The following IFT57 variants were observed in gnomAD, a reference collection of about 807,000 sequenced individuals.
IFT57 encodes the protein intraflagellar transport 57, also known as intraflagellar transport protein 57 homolog.
In IFT57, 59 loss-of-function variants were observed where a neutral mutation model predicts 56.8. The observed-to-expected ratio is 1.04, with a 90% CI of 0.84 to 1.29. The LOEUF is 1.29. Ranked by LOEUF, IFT57 falls within the 50% of genes most tolerant of loss-of-function variation. IFT57 has a pLI of 0.00. For missense variants in IFT57, 470 were observed against 522.1 expected, an observed-to-expected ratio of 0.90 and a Z score of 0.97; for synonymous variants, 209 against 186.1, an observed-to-expected ratio of 1.12 and a Z score of -1.00.
In IFT57 at chr3:108,177,082, A is replaced by T. The variant is rs1303466123; in HGVS notation, c.778-9218T>A. Among the ~76,000 whole-genome samples the T allele has an allele frequency of 2.0e-5, 3 of 151,798 alleles. No individual in the cohort carries two copies. In the East Asian group the frequency reaches 5.8e-4, roughly 29 times the overall value. On this transcript the variant is annotated intron_variant, in intron 6 of 10. Coordinates refer to ENST00000264538, the MANE Select transcript of IFT57 (RefSeq NM_018010.4). ...TCCTTGATAAAATGTAGTAAAGTAT[A>T]CCTAAAAATTTTAAGTGGATAATGG... is the stretch of plus-strand genomic sequence containing the variant.
rs563625619 is a variant in IFT57, at chr3:108,190,845, T to C, written c.777+676A>G. Among the ~76,000 whole-genome samples, 4 of 152,316 alleles carry C rather than the reference T, an allele frequency of 2.6e-5. No homozygotes were observed. In the South Asian group the frequency reaches 8.3e-4, roughly 32 times the overall value. ...TCTCGCTCTGTCATCCAGGCTGGAG[T>C]GCAGTGGTGCAGTCTTGGCTCACTG... On this transcript the variant is annotated intron_variant, in intron 6 of 10. Transcript: ENST00000264538.
At chr3:108,172,123 C>A (rs866409376) in intron 6 of IFT57, among the ~76,000 whole-genome samples, 1 of 151,824 alleles carries the variant, frequency 6.6e-6, no homozygotes, top group Non-Finnish European at 1.5e-5. Flanking sequence ...GGTATAACTA[C>A]GATAGTGTAC....
intron 1 of IFT57, among the ~76,000 whole-genome samples, chr3:108,220,184 G>T (rs2080397472): frequency 6.6e-6 from 1 of 152,206 alleles, no homozygotes; most frequent in Non-Finnish European, 1.5e-5. Flanking sequence ...GTGTAGTCAG[G>T]ATTAAGAACC....
rs904791739 is a variant in IFT57 at position 108,162,379 on chromosome 3, C to G, written c.*98G>C. 5 of 927,248 alleles carry G rather than the reference C, an allele frequency of 5.4e-6. No individual in the cohort carries two copies. Among genetic ancestry groups the G allele is most frequent in the South Asian group, 1.9e-5 (1 of 51,682 alleles). The allele number at this position is 927,248 out of a possible 1,614,324, so 57.4% of individuals were successfully genotyped here. ...GTGAGTATGTATATGTAAAAAAATACCCATTGAACATAAAATTATGTTTTG... is the reference window on the plus strand; with the variant it reads ...GTGAGTATGTATATGTAAAAAAATAGCCATTGAACATAAAATTATGTTTTG... On this transcript the variant is annotated 3_prime_UTR_variant, in exon 11 of 11. Transcript: ENST00000264538.
Position 108,208,650 on chromosome 3 carries a change from T to G in IFT57, c.586-1954A>C, listed in dbSNP as rs369740740. Among the ~76,000 whole-genome samples, 11 of 152,280 alleles carry G rather than the reference T, an allele frequency of 7.2e-5. No homozygotes were observed. The East Asian group carries it at 1.5e-3, about 21-fold the overall frequency. On this transcript the variant is annotated intron_variant, in intron 4 of 10. Coordinates refer to ENST00000264538, the MANE Select transcript of IFT57 (RefSeq NM_018010.4). ...TTCTTGCTTCCTGTTCCCATGACCT[T>G]ATGCTTTGCTGGCCTAGAGGTCTTA...
In IFT57 at chr3:108,172,645, T is replaced by C. The variant is rs765038501; in HGVS notation, c.778-4781A>G. Reference sequence around the variant, plus strand: ...AAAGGAAGGGATGCATCAAGGGACATTGTAGAGGCAGAACTAGCAAAACTT... The same window carrying C: ...AAAGGAAGGGATGCATCAAGGGACACTGTAGAGGCAGAACTAGCAAAACTT... On this transcript the variant is annotated intron_variant, in intron 6 of 10. Coordinates refer to ENST00000264538, the MANE Select transcript of IFT57 (RefSeq NM_018010.4). 3.3e-5 allele frequency among the ~76,000 whole-genome samples: 5 copies of C among 151,848 alleles called. No homozygotes were observed. In the East Asian group the frequency reaches 7.8e-4, roughly 24 times the overall value.
At position 108,222,193 on chromosome 3, in the gene IFT57, T is replaced by G; in HGVS notation, c.130A>C (p.Met44Leu). Residue 44 changes from methionine (M) to leucine (L), a missense_variant, in exon 1 of 11, where the codon ATG becomes CTG. By Grantham distance (15) the Met-to-Leu change is conservative (BLOSUM62 2). Coordinates refer to ENST00000264538, the MANE Select transcript of IFT57 (RefSeq NM_018010.4). ...PGAAYHMFVVMEDLVEKLKLL... is the reference protein window; with the variant it reads ...PGAAYHMFVVLEDLVEKLKLL... ...TTCAGCTTCTCCACCAAGTCCTCCATCACCACGAACATGTGGTAGGCCGCG... is the reference window on the plus strand; with the variant it reads ...TTCAGCTTCTCCACCAAGTCCTCCAGCACCACGAACATGTGGTAGGCCGCG... The G allele has an allele frequency of 6.2e-7, 1 of 1,614,058 alleles. No individual in the cohort carries two copies. Among genetic ancestry groups the G allele is most frequent in the South Asian group, 1.1e-5 (1 of 91,076 alleles).
intron 4 of IFT57, among the ~76,000 whole-genome samples, chr3:108,209,916 ATG>A (rs35248776): frequency 0.017 from 2,511 of 149,618 alleles, 70 homozygotes; most frequent in African/African-American, 0.056. Flanking sequence ...CTTTTTCTAT[ATG>A]TGTGTGTGTG....
chr3:108,173,250 T>C lies in IFT57; in HGVS notation c.778-5386A>G, dbSNP rs564627600. On this transcript the variant is annotated intron_variant, in intron 6 of 10. Coordinates refer to ENST00000264538, the MANE Select transcript of IFT57 (RefSeq NM_018010.4). ...TACACTGTTTGGGGATACAAACATATGCAAACACACACACACACAAAGACA... is the reference window on the plus strand; with the variant it reads ...TACACTGTTTGGGGATACAAACATACGCAAACACACACACACACAAAGACA... Among the ~76,000 whole-genome samples, 140 of 150,186 alleles carry C rather than the reference T, an allele frequency of 9.3e-4. 1 individual carries two copies. In the Middle Eastern group the frequency reaches 0.01, roughly 11 times the overall value.
chr3:108,200,439 G>A (rs1165215006), intron 5 of IFT57, among the ~76,000 whole-genome samples: 1 of 152,020 alleles, frequency 6.6e-6, no homozygotes, highest in Admixed American at 6.6e-5. Context: ...ACATTGCCAG[G>A]GGTAGGTGGT....
intron 3 of IFT57, among the ~76,000 whole-genome samples, chr3:108,217,185 T>TG (rs2080377737): frequency 6.6e-6 from 1 of 152,150 alleles, no homozygotes; most frequent in Non-Finnish European, 1.5e-5. Context: ...TGTACACATG[T>TG]ATCGAAACAT....
chr3:108,163,150 A>G (rs1375784310), intron 10 of IFT57, among the ~76,000 whole-genome samples: 1 of 152,106 alleles, frequency 6.6e-6, no homozygotes, highest in East Asian at 1.9e-4. Flanking sequence ...GGCAATCACT[A>G]CTGGCCCATA....
rs772596396 is a variant in IFT57, at chr3:108,191,628, C to T, written c.670G>A (p.Ala224Thr). ...GATTCCAAAATATCTTCTTGTTTGG[C>T]AGTCTCGTTCATATCCTAAGAAAGG... ...QTYHLDMNET[A>T]KQEDILESTT... Residue 224 changes from alanine (A) to threonine (T), a missense_variant, in exon 6 of 11, where the codon GCC (alanine) becomes ACC (threonine). Physicochemically the swap from Ala to Thr is moderately conservative, Grantham distance 58 (BLOSUM62 0). Coordinates refer to ENST00000264538, the MANE Select transcript of IFT57 (RefSeq NM_018010.4). The T allele has an allele frequency of 4.4e-6, 7 of 1,601,328 alleles. No homozygotes were observed. Among genetic ancestry groups the T allele is most frequent in the Non-Finnish European group, 6.0e-6 (7 of 1,174,036 alleles).
intron 6 of IFT57, among the ~76,000 whole-genome samples, chr3:108,184,959 G>C (rs1203856164): frequency 6.6e-6 from 1 of 152,082 alleles, no homozygotes. Context: ...GTAGCGAAAA[G>C]TCCTGACATT....
intron 6 of IFT57, among the ~76,000 whole-genome samples, chr3:108,176,919 A>G (rs1411609203): frequency 6.6e-6 from 1 of 151,812 alleles, no homozygotes; most frequent in Non-Finnish European, 1.5e-5. Flanking sequence ...TGGTAAATCA[A>G]CACATATAAT....
chr3:108,165,564 G>T, intron 8 of IFT57, 71 bp from the exon 9 acceptor site: 1 of 1,189,356 alleles, frequency 8.4e-7, no homozygotes, highest in Non-Finnish European at 1.3e-6. Context: ...TGACCTCTTT[G>T]TGTTTGCAAT....
intron 6 of IFT57, 63 bp downstream of exon 6, chr3:108,191,458 T>C: frequency 1.6e-6 from 2 of 1,242,430 alleles, no homozygotes; most frequent in South Asian, 3.5e-5. Flanking sequence ...GGAGTACCCC[T>C]AACCCTGAAG....
At chr3:108,175,733 T>C (rs1405908730) in intron 6 of IFT57, among the ~76,000 whole-genome samples, 2 of 151,772 alleles carry the variant, frequency 1.3e-5, no homozygotes, top group Non-Finnish European at 2.9e-5. Flanking sequence ...GAGCTAGAGA[T>C]GGTAAATGGA....
intron 6 of IFT57, among the ~76,000 whole-genome samples, chr3:108,183,982 T>C (rs1397688674): frequency 6.6e-6 from 1 of 152,148 alleles, no homozygotes; most frequent in African/African-American, 2.4e-5. Flanking sequence ...CATGTAAAAA[T>C]TTAAAAAGTT....
Sources: allele counts gnomAD v4.1 joint callset (sites outside exome capture counted in the v4.1 genomes callset), GRCh38; gene constraint gnomAD v4.1.1; transcripts MANE v1.5; gene names NCBI Gene and HGNC (gene_info 2026-07-23, HGNC 2026-07-21).